The following CA10 variants were observed in gnomAD, a reference collection of about 807,000 sequenced individuals.
The protein encoded by CA10 is carbonic anhydrase-related protein 10.
A neutral mutation model predicts 44.2 loss-of-function variants in CA10; 14 were observed. That is an observed-to-expected ratio of 0.32 (90% CI 0.21 to 0.50). The LOEUF is 0.50. CA10 is among the 20% of genes least tolerant of loss of function. CA10 has a pLI of 0.99. For synonymous variants in CA10, 159 were observed against 141.6 expected (o/e 1.12, Z -0.87); for missense variants, 350 against 409.7 (o/e 0.85, Z 1.26).
At chr17:52,100,415 C>T (rs1988510089) in intron 1 of CA10, among the ~76,000 whole-genome samples, 1 of 149,624 alleles carries the variant, frequency 6.7e-6, no homozygotes, top group South Asian at 2.1e-4. Context: ...AAAAACATAA[C>T]CCATTCTCAA....
intron 3 of CA10, among the ~76,000 whole-genome samples, chr17:51,879,237 T>A (rs10153251): frequency 6.6e-6 from 1 of 152,010 alleles, no homozygotes. Context: ...CTGAACATGG[T>A]GTTACAGTGA....
At chr17:51,941,455 T>C (rs1201735020) in intron 2 of CA10, among the ~76,000 whole-genome samples, 1 of 152,142 alleles carries the variant, frequency 6.6e-6, no homozygotes, top group African/African-American at 2.4e-5. Flanking sequence ...CCCCATGTAA[T>C]TACAGGTGCT....
At chr17:51,880,782 G>T (rs1980327330) in intron 3 of CA10, among the ~76,000 whole-genome samples, 1 of 151,880 alleles carries the variant, frequency 6.6e-6, no homozygotes, top group Admixed American at 6.6e-5. Context: ...AGACTTACGT[G>T]GAAGCATGAA....
intron 2 of CA10, among the ~76,000 whole-genome samples, chr17:51,948,520 T>G (rs537978223): frequency 2.6e-5 from 4 of 152,212 alleles, no homozygotes; most frequent in African/African-American, 7.2e-5. Flanking sequence ...AGCTCCAGAG[T>G]CCTCAACAGC....
At chr17:52,159,289 C>T (rs1258147421), upstream of CA10, 1 of 152,228 alleles carries the variant, frequency 6.6e-6, no homozygotes, top group African/African-American at 2.4e-5. Flanking sequence ...GTTCTTTTCT[C>T]TGCAGGTTCC....
At chr17:52,117,259 G>A (rs1988917850) in intron 1 of CA10, among the ~76,000 whole-genome samples, 1 of 152,156 alleles carries the variant, frequency 6.6e-6, no homozygotes, top group Non-Finnish European at 1.5e-5. Context: ...GGGAAAGACA[G>A]AAAAGACACC....
At chr17:51,707,954 G>C (rs574104304) in intron 4 of CA10, among the ~76,000 whole-genome samples, 1 of 152,196 alleles carries the variant, frequency 6.6e-6, no homozygotes, top group Admixed American at 6.5e-5. Flanking sequence ...ACACTGGAGT[G>C]GATAAGACAC....
chr17:52,135,418 C>G (rs1989334626), intron 1 of CA10, among the ~76,000 whole-genome samples: 1 of 152,124 alleles, frequency 6.6e-6, no homozygotes, highest in Non-Finnish European at 1.5e-5. Context: ...AAAACTCCAC[C>G]CTTGGATCAT....
At chr17:51,976,785 A>C (rs1984480004) in intron 2 of CA10, among the ~76,000 whole-genome samples, 1 of 152,026 alleles carries the variant, frequency 6.6e-6, no homozygotes. Flanking sequence ...GGAAATCAAC[A>C]AGATCAAAAT....
At chr17:52,141,175 A>C (rs928162010) in intron 1 of CA10, among the ~76,000 whole-genome samples, 6 of 152,084 alleles carry the variant, frequency 3.9e-5, no homozygotes, top group Admixed American at 6.5e-5. Context: ...TTTCCCCCAT[A>C]ATGTTTACCT....
intron 6 of CA10, among the ~76,000 whole-genome samples, chr17:51,639,248 G>A (rs1417209321): frequency 6.6e-6 from 1 of 152,118 alleles, no homozygotes; most frequent in Non-Finnish European, 1.5e-5. Context: ...GCTTGCACGA[G>A]GAACACATTG....
chr17:51,697,102 C>A (rs1034171888), intron 4 of CA10, among the ~76,000 whole-genome samples: 5 of 151,032 alleles, frequency 3.3e-5, no homozygotes, highest in Non-Finnish European at 4.4e-5. Context: ...AAAAAAAGCA[C>A]CGTGTTAGAG....
At chr17:51,727,315 T>C (rs1235352578) in intron 4 of CA10, among the ~76,000 whole-genome samples, 1 of 152,210 alleles carries the variant, frequency 6.6e-6, no homozygotes, top group African/African-American at 2.4e-5. Context: ...GATGAGTGTT[T>C]TCAGAGTAAT....
chr17:51,827,878 A>G (rs1303489256), intron 3 of CA10, among the ~76,000 whole-genome samples: 1 of 152,208 alleles, frequency 6.6e-6, no homozygotes, highest in African/African-American at 2.4e-5. Flanking sequence ...GTAGTCAGAA[A>G]TAATGTGGAC....
At position 51,714,520 on chromosome 17, in the gene CA10, T is replaced by C. The variant is rs1443371375; in HGVS notation, c.465+33113A>G. 3.9e-5 allele frequency among the ~76,000 whole-genome samples: 6 copies of C among 152,296 alleles called. No individual in the cohort carries two copies. In the Middle Eastern group the frequency reaches 0.014, roughly 345 times the overall value. ...AGGTGGGCTGGGGTCCTCATCACTATGGTTATTTTACAAGGTTGGACCTTC... is the reference window on the plus strand; with the variant it reads ...AGGTGGGCTGGGGTCCTCATCACTACGGTTATTTTACAAGGTTGGACCTTC... On this transcript the variant is annotated intron_variant, in intron 4 of 8. Coordinates refer to ENST00000451037, the MANE Select transcript of CA10 (RefSeq NM_020178.5).
intron 2 of CA10, among the ~76,000 whole-genome samples, chr17:52,035,727 G>T (rs1305652474): frequency 6.6e-6 from 1 of 152,180 alleles, no homozygotes; most frequent in African/African-American, 2.4e-5. Flanking sequence ...TGTCTAGTCA[G>T]TTCCAACACT....
chr17:51,828,889 G>A (rs1004363335), intron 3 of CA10, among the ~76,000 whole-genome samples: 1 of 152,154 alleles, frequency 6.6e-6, no homozygotes. Flanking sequence ...TCATTGATAT[G>A]AAGAGTTATG....
intron 3 of CA10, among the ~76,000 whole-genome samples, chr17:51,870,210 TAC>T (rs1371289310): frequency 3.9e-5 from 6 of 152,238 alleles, no homozygotes; most frequent in African/African-American, 1.4e-4. Flanking sequence ...ATTATACTTA[TAC>T]AGTTAGCAGC....
intron 1 of CA10, among the ~76,000 whole-genome samples, chr17:52,132,873 C>A (rs552908819): frequency 3.3e-5 from 5 of 152,066 alleles, no homozygotes; most frequent in African/African-American, 1.2e-4. Flanking sequence ...GTGGCTCAAC[C>A]GAGGCACAGG....
Sources: gnomAD v4.1 joint callset for allele counts (sites outside exome capture counted in the v4.1 genomes callset) on GRCh38, gnomAD v4.1.1 for gene constraint, MANE v1.5 for transcripts, NCBI Gene and HGNC (gene_info 2026-07-23, HGNC 2026-07-21) for gene names.